EEA1: variants seen among roughly 807,000 people sequenced by gnomAD.
EEA1 encodes the protein early endosome antigen 1, 162kD.
A neutral mutation model predicts 209.2 loss-of-function variants in EEA1; 111 were observed. The observed-to-expected ratio is 0.53, with a 90% CI of 0.45 to 0.62. EEA1 has a LOEUF of 0.62. Ranked by LOEUF, EEA1 falls within the 20% of genes least tolerant of loss-of-function variation. The pLI, the probability that EEA1 is intolerant of heterozygous loss-of-function variation, is 0.00. For synonymous variants in EEA1, 536 were observed against 540.6 expected (o/e 0.99, Z 0.12); for missense variants, 1,343 against 1,530.8 (o/e 0.88, Z 2.05).
chr12:92,816,426 G>A, intron 14 of EEA1, 26 bp from the exon 15 acceptor site: 1 of 1,599,214 alleles, frequency 6.3e-7, no homozygotes, highest in Non-Finnish European at 8.6e-7. Flanking sequence ...GACTAATCGT[G>A]AAGTTCACAA....
intron 18 of EEA1, 83 bp from the exon 19 acceptor site, chr12:92,802,817 T>G (rs1431611392): frequency 1.7e-5 from 20 of 1,144,610 alleles, no homozygotes; most frequent in Non-Finnish European, 2.4e-5. Context: ...CACAAACAAT[T>G]ACTGAGTTCT....
rs989029497 is a variant in EEA1, at chr12:92,772,693, C to G, written c.*3318G>C. ...GAAATTGCAGTATTTACTGAGCTAA[C>G]CTTTCTCACAAAGTAAGGCACAACT... is the stretch of plus-strand genomic sequence containing the variant. On this transcript the variant is annotated 3_prime_UTR_variant, in exon 29 of 29. Coordinates refer to ENST00000322349, the MANE Select transcript of EEA1 (RefSeq NM_003566.4). 3 of 152,220 alleles carry G rather than the reference C, an allele frequency of 2.0e-5. No individual in the cohort carries two copies. Among genetic ancestry groups the G allele is most frequent in the Non-Finnish European group, 4.4e-5 (3 of 67,750 alleles). The allele number at this position is 152,220 out of a possible 1,614,324, so 9.4% of individuals were successfully genotyped here.
chr12:92,826,441 G>A (rs908671134), intron 12 of EEA1, among the ~76,000 whole-genome samples, 156 bp from the exon 13 acceptor site: 1 of 152,110 alleles, frequency 6.6e-6, no homozygotes, highest in African/African-American at 2.4e-5. Context: ...TGGGCACAGT[G>A]GCTCATGCCT....
intron 9 of EEA1, among the ~76,000 whole-genome samples, chr12:92,843,570 G>A (rs150775483): frequency 0.014 from 2,171 of 152,062 alleles, 48 homozygotes; most frequent in African/African-American, 0.05. Context: ...AATAAATTTC[G>A]AATACATAAA....
intron 21 of EEA1, among the ~76,000 whole-genome samples, chr12:92,791,981 G>T (rs11503222): frequency 6.6e-5 from 10 of 152,128 alleles, no homozygotes; most frequent in African/African-American, 1.2e-4. Flanking sequence ...ACTGAAAACC[G>T]CAGAACTACA....
At chr12:92,850,926 C>A (rs1230042671) in intron 9 of EEA1, among the ~76,000 whole-genome samples, 185 bp downstream of exon 9, 1 of 151,882 alleles carries the variant, frequency 6.6e-6, no homozygotes, top group Non-Finnish European at 1.5e-5. Context: ...GAGTGTCTAG[C>A]TTTATAAAGC....
rs147684127 is a variant in EEA1, at chr12:92,787,972, T to C, written c.3045A>G (p.Ser1015=). The C allele has an allele frequency of 2.9e-5, 47 of 1,613,126 alleles. No individual in the cohort carries two copies. In the African/African-American group the frequency reaches 6.0e-4, roughly 21 times the overall value. The change falls in exon 22 of 29, where the codon TCA becomes TCG. Residue 1015 remains serine (S), a synonymous_variant. Coordinates refer to ENST00000322349, the MANE Select transcript of EEA1 (RefSeq NM_003566.4). ...TTTTTTCATAGTTGTTTTGTAATACTGATATTTTCTCTTTCTCTGCTGCAA... is the reference window on the plus strand; with the variant it reads ...TTTTTTCATAGTTGTTTTGTAATACCGATATTTTCTCTTTCTCTGCTGCAA... ...QELAAEKEKI[S]VLQNNYEKSQ...
Position 92,853,777 on chromosome 12 carries a change from A to C in EEA1, c.406+138T>G, listed in dbSNP as rs2136711061. 3 of 581,992 alleles carry C rather than the reference A, an allele frequency of 5.2e-6. No individual in the cohort carries two copies. In the South Asian group the frequency reaches 1.2e-4, roughly 23 times the overall value. 36.1% of individuals were successfully genotyped at this position (581,992 alleles called of 1,614,324 possible). ...TGTAACTCTCTACACCTAGAATATG[A>C]CCATTATCTTCACTGTTTTAGAGTC... On this transcript the variant is annotated intron_variant, in intron 6 of 28. Transcript: ENST00000322349.
chr12:92,870,856 T>C (rs1411493813), intron 2 of EEA1, among the ~76,000 whole-genome samples: 1 of 151,976 alleles, frequency 6.6e-6, no homozygotes, highest in Non-Finnish European at 1.5e-5. Context: ...TTTGTATTTT[T>C]AGTAGAGACA....
At chr12:92,815,553 C>A (rs923449163) in intron 15 of EEA1, among the ~76,000 whole-genome samples, 11 of 152,018 alleles carry the variant, frequency 7.2e-5, no homozygotes, top group Non-Finnish European at 1.6e-4. Context: ...TAAAATCAAG[C>A]CTTGAACTAT....
At chr12:92,832,018 C>T (rs916237944) in intron 11 of EEA1, among the ~76,000 whole-genome samples, 7 of 148,144 alleles carry the variant, frequency 4.7e-5, no homozygotes, top group South Asian at 2.1e-4. Context: ...ACCCGGGAAG[C>T]GGAGCTTGCA....
At position 92,857,287 on chromosome 12, in the gene EEA1, C is replaced by G. The variant is rs1323703884; in HGVS notation, c.354G>C (p.Gly118=). Residue 118 remains glycine, a synonymous_variant, in exon 5 of 29, where the codon GGG becomes GGC. Transcript: ENST00000322349. ...ELKKELEKYQ[G]LQQQEAKPDG... ...TAAAAGCAATTACTTGCTGCTGCAGCCCTTGATATTTTTCTAATTCCTTCT... is the reference window on the plus strand; with the variant it reads ...TAAAAGCAATTACTTGCTGCTGCAGGCCTTGATATTTTTCTAATTCCTTCT... The G allele has an allele frequency of 1.9e-6, 3 of 1,586,690 alleles. No homozygotes were observed. The highest frequency in any genetic ancestry group is 2.6e-6 in the Non-Finnish European group (3 of 1,169,870).
At chr12:92,832,365 AAC>A in intron 11 of EEA1, 145 bp downstream of exon 11, 2 of 697,538 alleles carry the variant, frequency 2.9e-6, no homozygotes, top group East Asian at 5.7e-5. Context: ...GAGATCTGAC[AAC>A]ACTACAGGAT....
In EEA1 at chr12:92,852,270, TTTC is replaced by T. The variant is rs1405493244; in HGVS notation, c.544_546del (p.Glu182del). Reference sequence around the variant, plus strand: ...TGTTCAGCAGCTTCTCGAAGACTCCTTTCTTCATCATACTTTGACTTTATATCT... The same window carrying T: ...TGTTCAGCAGCTTCTCGAAGACTCCTTTCATCATACTTTGACTTTATATCT... On this transcript the variant is annotated inframe_deletion, in exon 8 of 29. Transcript: ENST00000322349. The T allele has an allele frequency of 2.5e-6, 4 of 1,595,204 alleles. No individual in the cohort carries two copies. Among genetic ancestry groups the T allele is most frequent in the Non-Finnish European group, 3.4e-6 (4 of 1,171,300 alleles).
chr12:92,834,689 A>G (rs1876833227), intron 10 of EEA1, among the ~76,000 whole-genome samples: 1 of 152,194 alleles, frequency 6.6e-6, no homozygotes, highest in African/African-American at 2.4e-5. Flanking sequence ...AGAAAAAAAG[A>G]CATAGAGCCA....
rs148084920 is a variant in EEA1 at position 92,845,389 on chromosome 12, TAAAG to T, written c.799-2812_799-2809del. ...TTATATTTGGGGAAAAAATAAAGAT[TAAAG>T]ACAGACAATAATTACAAAAGACAAA... On this transcript the variant is annotated intron_variant, in intron 9 of 28. Coordinates refer to ENST00000322349, the MANE Select transcript of EEA1 (RefSeq NM_003566.4). Among the ~76,000 whole-genome samples, 1,113 of 152,266 alleles carry T rather than the reference TAAAG, an allele frequency of 7.3e-3. 9 individuals carry two copies. The highest frequency in any genetic ancestry group is 0.026 in the African/African-American group (1,080 of 41,552).
chr12:92,804,700 A>G (rs1029959076), intron 18 of EEA1, among the ~76,000 whole-genome samples: 1 of 152,164 alleles, frequency 6.6e-6, no homozygotes, highest in African/African-American at 2.4e-5. Flanking sequence ...AAAATATATT[A>G]AACTGCAGAG....
intron 9 of EEA1, among the ~76,000 whole-genome samples, chr12:92,850,267 T>C (rs1877553628): frequency 6.6e-6 from 1 of 152,178 alleles, no homozygotes; most frequent in Non-Finnish European, 1.5e-5. Context: ...GGAAGAAATA[T>C]GCACACCGTA....
intron 18 of EEA1, among the ~76,000 whole-genome samples, chr12:92,807,545 T>G (rs1875274280): frequency 6.6e-6 from 1 of 152,052 alleles, no homozygotes; most frequent in African/African-American, 2.4e-5. Flanking sequence ...CATCAAGAAC[T>G]CTACAAACAA....
Sources: gnomAD v4.1 joint callset for allele counts (sites outside exome capture counted in the v4.1 genomes callset) on GRCh38, gnomAD v4.1.1 for gene constraint, MANE v1.5 for transcripts, NCBI Gene and HGNC (gene_info 2026-07-23, HGNC 2026-07-21) for gene names.